The following BNC2 variants were observed in gnomAD, a reference collection of about 807,000 sequenced individuals.
BNC2 encodes the protein basonuclin zinc finger protein 2, also known as zinc finger protein basonuclin-2.
BNC2 carries 20 observed loss-of-function variants against 76.3 expected under a neutral mutation model. The ratio of observed to expected loss-of-function variants is 0.26; its 90% CI spans 0.18 to 0.38. BNC2 has a LOEUF of 0.38. Ranked by LOEUF, BNC2 falls within the 10% of genes least tolerant of loss-of-function variation. The pLI is 1.00. For missense variants in BNC2, 1,382 were observed against 1,399.8 expected, an observed-to-expected ratio of 0.99 and a Z score of 0.20; for synonymous variants, 582 against 514.8, an observed-to-expected ratio of 1.13 and a Z score of -1.77.
At chr9:16,556,966 T>TA (rs1241613463) in intron 4 of BNC2, among the ~76,000 whole-genome samples, 1 of 152,104 alleles carries the variant, frequency 6.6e-6, no homozygotes, top group African/African-American at 2.4e-5. Flanking sequence ...TTAAGTGTCA[T>TA]AAAATCTGTA....
intron 1 of BNC2, among the ~76,000 whole-genome samples, chr9:16,820,079 CATGCCACT>C (rs1818282843): frequency 7.8e-6 from 1 of 127,702 alleles, no homozygotes. Flanking sequence ...GAGCCGAGAT[CATGCCACT>C]GCACTCTAGC....
chr9:16,532,393 TA>T (rs1326513191), intron 5 of BNC2, among the ~76,000 whole-genome samples: 1 of 152,166 alleles, frequency 6.6e-6, no homozygotes, highest in Non-Finnish European at 1.5e-5. Context: ...TGGTGTTTAG[TA>T]ATGTGAGCTG....
In BNC2 at chr9:16,743,223, C is replaced by A. The variant is rs988189834; in HGVS notation, c.4-4738G>T. On this transcript the variant is annotated intron_variant, in intron 1 of 6. Coordinates refer to ENST00000380672, the MANE Select transcript of BNC2 (RefSeq NM_017637.6). The stretch of plus-strand genomic sequence containing the variant: ...ATTTGACATCTCCAAAGAAACTACA[C>A]GATGACTTGAGTGTACAAGCTTTCT... 5.3e-5 allele frequency among the ~76,000 whole-genome samples: 8 copies of A among 150,300 alleles called. No individual in the cohort carries two copies. The East Asian group carries it at 9.9e-4, about 19-fold the overall frequency.
At chr9:16,623,693 C>G (rs964313339) in intron 3 of BNC2, among the ~76,000 whole-genome samples, 2 of 152,144 alleles carry the variant, frequency 1.3e-5, no homozygotes, top group Admixed American at 1.3e-4. Flanking sequence ...TGAAGTGAGG[C>G]TGGATTAATT....
chr9:16,723,458 T>C (rs540603998), intron 3 of BNC2, among the ~76,000 whole-genome samples: 3 of 150,986 alleles, frequency 2.0e-5, no homozygotes, highest in African/African-American at 7.3e-5. Context: ...ACTATATATA[T>C]ATATGCCTTT....
intron 1 of BNC2, among the ~76,000 whole-genome samples, chr9:16,798,064 C>T (rs547924435): frequency 6.6e-6 from 1 of 152,240 alleles, no homozygotes; most frequent in East Asian, 1.9e-4. Context: ...TCTCTAGGAC[C>T]CAAGAATCCC....
chr9:16,821,070 T>C (rs906325362), intron 1 of BNC2, among the ~76,000 whole-genome samples: 7 of 151,786 alleles, frequency 4.6e-5, no homozygotes, highest in Admixed American at 1.3e-4. Flanking sequence ...CCATCTCTAC[T>C]AAAAATACAA....
intron 1 of BNC2, among the ~76,000 whole-genome samples, chr9:16,813,777 G>C (rs1818115422): frequency 6.6e-6 from 1 of 152,160 alleles, no homozygotes; most frequent in Non-Finnish European, 1.5e-5. Context: ...TCAATGCAAA[G>C]AACATAGGTT....
chr9:16,835,894 G>A (rs1391170267), intron 1 of BNC2, among the ~76,000 whole-genome samples: 1 of 152,256 alleles, frequency 6.6e-6, no homozygotes, highest in East Asian at 1.9e-4. Flanking sequence ...ACCAGTTTGA[G>A]ACTTGCTCTA....
At chr9:16,618,136 C>T (rs796770572) in intron 3 of BNC2, among the ~76,000 whole-genome samples, 4 of 152,176 alleles carry the variant, frequency 2.6e-5, no homozygotes, top group African/African-American at 7.2e-5. Context: ...CCCAATGGAA[C>T]GCCAGCTACC....
intron 1 of BNC2, among the ~76,000 whole-genome samples, chr9:16,828,068 C>T (rs1818493889): frequency 6.6e-6 from 1 of 152,134 alleles, no homozygotes; most frequent in Non-Finnish European, 1.5e-5. Context: ...ATGATATGTT[C>T]ACACTATAAA....
intron 2 of BNC2, among the ~76,000 whole-genome samples, chr9:16,728,399 C>T (rs779305043): frequency 2.0e-5 from 3 of 152,164 alleles, no homozygotes; most frequent in African/African-American, 4.8e-5. Flanking sequence ...ACACTCCAGG[C>T]AGCACCACAA....
At chr9:16,439,203 C>G (rs1821079066) in intron 5 of BNC2, among the ~76,000 whole-genome samples, 1 of 152,120 alleles carries the variant, frequency 6.6e-6, no homozygotes, top group African/African-American at 2.4e-5. Context: ...TTATAAATTA[C>G]CCAGTCTTGG....
chr9:16,602,065 T>C (rs1820258290), intron 3 of BNC2, among the ~76,000 whole-genome samples: 1 of 152,138 alleles, frequency 6.6e-6, no homozygotes, highest in Non-Finnish European at 1.5e-5. Flanking sequence ...CTTTCATAAT[T>C]TTTGTCATTC....
At chr9:16,469,562 T>C (rs1821775403) in intron 5 of BNC2, among the ~76,000 whole-genome samples, 1 of 152,188 alleles carries the variant, frequency 6.6e-6, no homozygotes, top group Non-Finnish European at 1.5e-5. Context: ...ATCAGCAACA[T>C]GAAAACAAAC....
chr9:16,519,456 G>T (rs1468898208), intron 5 of BNC2, among the ~76,000 whole-genome samples: 3 of 152,204 alleles, frequency 2.0e-5, no homozygotes, highest in Non-Finnish European at 2.9e-5. Context: ...CCTTTGGACA[G>T]GTAGAGACAA....
intron 5 of BNC2, among the ~76,000 whole-genome samples, chr9:16,532,021 A>C (rs187944627): frequency 6.6e-6 from 1 of 150,828 alleles, no homozygotes; most frequent in African/African-American, 2.5e-5. Flanking sequence ...ACGCATATTA[A>C]ATTTTTAAAG....
intron 3 of BNC2, among the ~76,000 whole-genome samples, chr9:16,660,748 G>GA (rs1234303967): frequency 2.8e-4 from 41 of 147,622 alleles, no homozygotes; most frequent in African/African-American, 9.7e-4. Context: ...AAATACTCAG[G>GA]AAAAAAAAAT....
At chr9:16,670,181 T>C (rs1822433321) in intron 3 of BNC2, among the ~76,000 whole-genome samples, 1 of 152,226 alleles carries the variant, frequency 6.6e-6, no homozygotes, top group African/African-American at 2.4e-5. Flanking sequence ...TAACTATACC[T>C]ATTCGGGTTC....
Sources: gnomAD v4.1 joint callset for allele counts (sites outside exome capture counted in the v4.1 genomes callset) on GRCh38, gnomAD v4.1.1 for gene constraint, MANE v1.5 for transcripts, NCBI Gene and HGNC (gene_info 2026-07-23, HGNC 2026-07-21) for gene names.